APC: variants seen among roughly 807,000 people sequenced by gnomAD.
APC encodes the protein APC regulator of Wnt signaling pathway.
In APC, 72 loss-of-function variants were observed where a neutral mutation model predicts 247.0. That is an observed-to-expected ratio of 0.29 (90% CI 0.24 to 0.35). APC has a LOEUF of 0.35. Among genes scored for constraint, APC ranks in the 10% least tolerant of loss-of-function variants. The pLI, the probability that APC is intolerant of heterozygous loss-of-function variation, is 1.00. For missense variants in APC, 3,400 were observed against 3,360.7 expected (o/e 1.01, Z -0.29); for synonymous variants, 1,254 against 1,162.5 (o/e 1.08, Z -1.60).
rs190248502 is a variant in APC, at chr5:112,819,545, A to G, written c.1312+201A>G. ...AGCAAAGGAAAATGTTATGTGCACT[A>G]CTATAAGAACAGTAAGTCAAGAGAA... On this transcript the variant is annotated intron_variant, in intron 10 of 15. Coordinates refer to ENST00000257430, the MANE Select transcript of APC (RefSeq NM_000038.6). Among the ~76,000 whole-genome samples the G allele has an allele frequency of 5.5e-3, 831 of 152,360 alleles. 6 individuals are homozygous for G. The highest frequency in any genetic ancestry group is 0.018 in the South Asian group (86 of 4,830).
chr5:112,803,575 A>C (rs1761058022), intron 8 of APC, among the ~76,000 whole-genome samples: 1 of 152,210 alleles, frequency 6.6e-6, no homozygotes. Context: ...AGTTAAATGC[A>C]AGATACCCTT....
Position 112,833,358 on chromosome 5 carries a change from A to G in APC, c.1744-1593A>G, listed in dbSNP as rs1484440216. ...CCACCACACCGGGCTAATTTTTTGT[A>G]TTTTAGTAGAGACAGGGTTTCACCA... is the stretch of plus-strand genomic sequence containing the variant. On this transcript the variant is annotated intron_variant, in intron 14 of 15. Coordinates refer to ENST00000257430, the MANE Select transcript of APC (RefSeq NM_000038.6). Among the ~76,000 whole-genome samples the G allele has an allele frequency of 2.6e-5, 4 of 151,356 alleles. No homozygotes were observed. The East Asian group carries it at 7.7e-4, about 29-fold the overall frequency.
In APC at chr5:112,843,597, A is replaced by G. The variant is rs374886362; in HGVS notation, c.8003A>G (p.Asn2668Ser). 9 of 1,613,866 alleles carry G rather than the reference A, an allele frequency of 5.6e-6. No individual in the cohort carries two copies. The highest frequency in any genetic ancestry group is 2.7e-5 in the African/African-American group (2 of 74,912). ...AGAATTGAGGACTGTCCCATTAACA[A>G]TCCTAGATCTGGAAGATCTCCCACA... ...WVRIEDCPIN[N>S]PRSGRSPTGN... The change falls in exon 16 of 16, where the codon AAT (asparagine) becomes AGT (serine). Residue 2668 changes from asparagine (N) to serine (S), a missense_variant. By Grantham distance (46) the Asn-to-Ser change is conservative. This residue lies in a region of APC where 1,788 missense variants were observed against 1,649.5 expected (regional missense o/e 1.08). Coordinates refer to ENST00000257430, the MANE Select transcript of APC (RefSeq NM_000038.6). This position sits in a 1 kb window ranked among gnomAD's most constrained non-coding sequence, Gnocchi z 4.8.
intron 15 of APC, among the ~76,000 whole-genome samples, chr5:112,836,165 T>TCCCCCCCCCCCCCCCCCCCCC (rs59050067): frequency 3.7e-4 from 9 of 24,490 alleles, no homozygotes; most frequent in Non-Finnish European, 6.0e-4. Context: ...GGATTACAGG[T>TCCCCCCCCCCCCCCCCCCCCC]CCCCCCCCCC....
chr5:112,759,046 G>A (rs1286604712), intron 2 of APC, among the ~76,000 whole-genome samples: 1 of 152,120 alleles, frequency 6.6e-6, no homozygotes, highest in East Asian at 1.9e-4. Context: ...CATCTTTGTT[G>A]TAGTTTGACA....
At chr5:112,831,742 C>T (rs1376131564) in intron 14 of APC, among the ~76,000 whole-genome samples, 2 of 152,144 alleles carry the variant, frequency 1.3e-5, no homozygotes, top group Admixed American at 1.3e-4. Context: ...TCTACATATT[C>T]TCTACTGGAT....
intron 1 of APC, among the ~76,000 whole-genome samples, chr5:112,739,982 A>C (rs1416010048): frequency 6.6e-6 from 1 of 152,210 alleles, no homozygotes; most frequent in Non-Finnish European, 1.5e-5. Flanking sequence ...TTGTATAACA[A>C]TGTAAAGAAC....
In APC at chr5:112,707,819, C is replaced by G. The variant is rs763659488; in HGVS notation, c.102C>G (p.Val34=). 11 of 1,370,502 alleles carry G rather than the reference C, an allele frequency of 8.0e-6. No individual in the cohort carries two copies. The South Asian group carries it at 1.3e-4, about 17-fold the overall frequency. 84.9% of individuals were successfully genotyped at this position (1,370,502 alleles called of 1,614,324 possible). The change falls in exon 1 of 14, where the codon GTC becomes GTG. Residue 34 remains valine, a synonymous_variant. Coordinates refer to the APC transcript ENST00000507379. The stretch of plus-strand genomic sequence containing the variant: ...GCACCGGCGGCAGCAGGAGCTGCGT[C>G]CGGCAGGAGACGAAGAGCCCGGGCG...
At chr5:112,785,962 C>T (rs1758899800) in intron 6 of APC, among the ~76,000 whole-genome samples, 1 of 152,150 alleles carries the variant, frequency 6.6e-6, no homozygotes, top group South Asian at 2.1e-4. Context: ...TATCTCATAA[C>T]ATTTTAAATC....
At chr5:112,797,388 A>G (rs1760324870) in intron 7 of APC, among the ~76,000 whole-genome samples, 1 of 152,196 alleles carries the variant, frequency 6.6e-6, no homozygotes, top group South Asian at 2.1e-4. Context: ...ATAGAGCAGT[A>G]GATATGAGAA....
intron 7 of APC, 152 bp downstream of exon 7, chr5:112,792,681 C>A: frequency 1.6e-6 from 1 of 642,844 alleles, no homozygotes; most frequent in Admixed American, 2.5e-5. Context: ...ATTAAATTAT[C>A]AAAGATTTGG....
intron 1 of APC, among the ~76,000 whole-genome samples, chr5:112,711,196 G>T (rs1450588844): frequency 6.6e-6 from 1 of 152,212 alleles, no homozygotes; most frequent in Non-Finnish European, 1.5e-5. Flanking sequence ...CAGATCAGTG[G>T]CGGCATTAGA....
intron 4 of APC, among the ~76,000 whole-genome samples, chr5:112,767,831 A>G (rs548843261): frequency 6.6e-6 from 1 of 150,612 alleles, no homozygotes; most frequent in East Asian, 2.0e-4. Flanking sequence ...GGGTTTCTTC[A>G]TGTTGGCCAA....
intron 6 of APC, among the ~76,000 whole-genome samples, chr5:112,783,103 T>G (rs1758533316): frequency 6.6e-6 from 1 of 152,152 alleles, no homozygotes; most frequent in African/African-American, 2.4e-5. Context: ...AGCTTTTTTT[T>G]AGAGAGAGAG....
At chr5:112,711,540 A>AG (rs1464387188) in intron 1 of APC, among the ~76,000 whole-genome samples, 1 of 152,164 alleles carries the variant, frequency 6.6e-6, no homozygotes, top group African/African-American at 2.4e-5. Flanking sequence ...TTTATCAGTT[A>AG]GGCTGCAAAT....
At chr5:112,772,516 C>CT (rs35444319) in intron 4 of APC, among the ~76,000 whole-genome samples, 3,929 of 138,282 alleles carry the variant, frequency 0.028, 169 homozygotes, top group African/African-American at 0.094. Context: ...ATGCCCAGCT[C>CT]TTTTTTTTTT....
chr5:112,708,608 G>T (rs954436772), intron 1 of APC, among the ~76,000 whole-genome samples: 1 of 152,182 alleles, frequency 6.6e-6, no homozygotes, highest in Non-Finnish European at 1.5e-5. Context: ...TCACTTAATG[G>T]TACAAGCAAG....
chr5:112,737,485 T>C (rs1230774570), upstream of APC, among the ~76,000 whole-genome samples: 1 of 152,264 alleles, frequency 6.6e-6, no homozygotes, highest in Non-Finnish European at 1.5e-5. Flanking sequence ...CATTTAATAT[T>C]ATTGTTTCTC....
At chr5:112,757,252 A>T (rs1271786831) in intron 2 of APC, among the ~76,000 whole-genome samples, 1 of 152,198 alleles carries the variant, frequency 6.6e-6, no homozygotes, top group African/African-American at 2.4e-5. Flanking sequence ...AGCATAAACC[A>T]TGAGCTATTT....
Sources: allele counts gnomAD v4.1 joint callset (sites outside exome capture counted in the v4.1 genomes callset), GRCh38; gene constraint gnomAD v4.1.1; regional missense constraint gnomAD v4.1.1; non-coding constraint Gnocchi (gnomAD v3.1); transcripts MANE v1.5; gene names NCBI Gene and HGNC (gene_info 2026-07-23, HGNC 2026-07-21).